Variants in ELMOD1 observed in about 807,000 individuals in gnomAD.
The protein encoded by ELMOD1 is ELMO domain containing 1.
In ELMOD1, 21 loss-of-function variants were observed where a neutral mutation model predicts 46.7. The observed-to-expected ratio is 0.45, with a 90% CI of 0.32 to 0.65. The LOEUF (loss-of-function observed/expected upper bound fraction) is 0.65, where lower values mean the gene tolerates loss of function less well. Ranked by LOEUF, ELMOD1 falls within the 30% of genes least tolerant of loss-of-function variation. The probability of loss-of-function intolerance (pLI) is 0.04; values close to 1 mark genes in which losing one functional copy is unlikely to be tolerated. For missense variants in ELMOD1, 348 were observed against 407.8 expected (o/e 0.85, Z 1.26); for synonymous variants, 122 against 138.2 (o/e 0.88, Z 0.82).
chr11:107,620,078 T>C (rs535061334), intron 2 of ELMOD1: 1 of 152,342 alleles, frequency 6.6e-6, no homozygotes, highest in African/African-American at 2.4e-5. Flanking sequence ...ATCTTTTCAT[T>C]TGAACCAAAG....
intron 1 of ELMOD1, chr11:107,592,386 G>A (rs1226018911): frequency 3.7e-6 from 2 of 534,422 alleles, no homozygotes; most frequent in African/African-American, 1.9e-5. Flanking sequence ...GTCATTTGGA[G>A]AGACCAATTT....
chr11:107,594,275 GA>G lies in ELMOD1; in HGVS notation c.-86+2878del, dbSNP rs201118668. 3.0e-3 allele frequency among the ~76,000 whole-genome samples: 431 copies of G among 144,726 alleles called. 3 individuals are homozygous for G. The highest frequency in any genetic ancestry group is 7.7e-3 in the African/African-American group (306 of 39,616). The allele number at this position is 144,726 out of a possible 152,430, so 94.9% of individuals were successfully genotyped here. ...GAGATCTTATCCTGGGCGAAAATGA[GA>G]AAAAAAAAAAATCTCTGTGTTAATA... is the stretch of plus-strand genomic sequence containing the variant. On this transcript the variant is annotated intron_variant, in intron 1 of 11. Transcript: ENST00000265840.
intron 1 of ELMOD1, among the ~76,000 whole-genome samples, chr11:107,612,394 A>C (rs1231613270): frequency 1.3e-5 from 2 of 152,220 alleles, no homozygotes; most frequent in East Asian, 3.8e-4. Flanking sequence ...TGAAAAACTA[A>C]CTATTGGATA....
intron 2 of ELMOD1, among the ~76,000 whole-genome samples, chr11:107,621,173 G>T (rs1865941574): frequency 6.6e-6 from 1 of 152,206 alleles, no homozygotes; most frequent in Non-Finnish European, 1.5e-5. Flanking sequence ...AGTCACCCAT[G>T]TAAATCATTG....
intron 11 of ELMOD1, 148 bp downstream of exon 11, chr11:107,656,214 C>A: frequency 1.2e-6 from 1 of 822,332 alleles, no homozygotes; most frequent in South Asian, 1.9e-5. Flanking sequence ...ATGGTGAAAC[C>A]CCATCTGTAC....
chr11:107,648,764 A>T (rs1432116511), intron 7 of ELMOD1, among the ~76,000 whole-genome samples: 5 of 147,614 alleles, frequency 3.4e-5, no homozygotes, highest in Admixed American at 6.7e-5. Context: ...GTTAGTGTCA[A>T]TTTTTTTTTT....
intron 5 of ELMOD1, among the ~76,000 whole-genome samples, chr11:107,632,065 T>C (rs563808004): frequency 6.6e-6 from 1 of 152,328 alleles, no homozygotes; most frequent in South Asian, 2.1e-4. Flanking sequence ...ACTTCCTTCA[T>C]GAATATTACT....
At chr11:107,656,099 G>A (rs1246611985) in intron 11 of ELMOD1, 33 bp downstream of exon 11, 1 of 1,548,738 alleles carries the variant, frequency 6.5e-7, no homozygotes, top group African/African-American at 1.4e-5. Flanking sequence ...ATCAATATAG[G>A]TTTCTACGCT....
chr11:107,595,263 A>C (rs1396648767), intron 1 of ELMOD1, among the ~76,000 whole-genome samples: 1 of 152,108 alleles, frequency 6.6e-6, no homozygotes, highest in Non-Finnish European at 1.5e-5. Flanking sequence ...AATTATAAAA[A>C]TTACCCTATA....
intron 4 of ELMOD1, 65 bp downstream of exon 4, chr11:107,630,793 A>G: frequency 6.6e-7 from 1 of 1,518,684 alleles, no homozygotes; most frequent in South Asian, 1.2e-5. Flanking sequence ...CATAAGAAGT[A>G]AAAATTCTAA....
At chr11:107,643,497 A>G (rs1866362251) in intron 6 of ELMOD1, 3 of 350,656 alleles carry the variant, frequency 8.6e-6, no homozygotes, top group Non-Finnish European at 1.8e-5. Context: ...CAGAAGACAC[A>G]GCACCATCAA....
At chr11:107,617,636 C>T (rs142390356) in intron 1 of ELMOD1, among the ~76,000 whole-genome samples, 75 of 152,294 alleles carry the variant, frequency 4.9e-4, no homozygotes, top group South Asian at 2.9e-3. Context: ...TTAAGTGATT[C>T]TTGAGCTTGA....
chr11:107,606,839 G>T (rs1226228634), intron 1 of ELMOD1, among the ~76,000 whole-genome samples: 5 of 151,962 alleles, frequency 3.3e-5, no homozygotes, highest in African/African-American at 1.2e-4. Flanking sequence ...ACCTACATCG[G>T]TTTCAGTTAC....
At chr11:107,656,431 A>T (rs963406536) in intron 11 of ELMOD1, among the ~76,000 whole-genome samples, 8 of 147,918 alleles carry the variant, frequency 5.4e-5, no homozygotes, top group East Asian at 2.0e-4. Flanking sequence ...TATATATATA[A>T]AAATACATGA....
Position 107,630,468 on chromosome 11 carries a change from C to A in ELMOD1, c.69C>A (p.Cys23Ter). ...TTTACTGTAAATTTCTGTGGCGCTG[C>A]CTGAAATTTGTAATGAGGAAGCTAA... is the stretch of plus-strand genomic sequence containing the variant. ...LYFYCKFLWR[C>*]LKFVMRKLTG... is the part of the protein sequence containing the mutation. The change falls in exon 3 of 12, where the codon TGC becomes TGA. Residue 23 changes from cysteine to a stop codon, truncating the protein, a stop_gained. Transcript: ENST00000265840. LOFTEE classifies it high-confidence loss of function. 1 of 1,606,340 alleles carries A rather than the reference C, an allele frequency of 6.2e-7. No individual in the cohort carries two copies.
Position 107,598,869 on chromosome 11 carries a change from G to A in ELMOD1, c.-86+7460G>A, listed in dbSNP as rs536999532. Among the ~76,000 whole-genome samples, 91 of 152,348 alleles carry A rather than the reference G, an allele frequency of 6.0e-4. 1 individual carries two copies. In the South Asian group the frequency reaches 0.018, roughly 30 times the overall value. ...CTGGAGATTTTGTGAGTTGCCTTCA[G>A]AACAAATTCCATTTCTGCTTAAGTT... On this transcript the variant is annotated intron_variant, in intron 1 of 11. Transcript: ENST00000265840.
intron 11 of ELMOD1, among the ~76,000 whole-genome samples, chr11:107,658,097 GA>G (rs1413120893): frequency 6.6e-6 from 1 of 152,058 alleles, no homozygotes; most frequent in East Asian, 1.9e-4. Flanking sequence ...CTCCTATAGA[GA>G]AAAAAATTTT....
At chr11:107,614,984 T>C (rs1473142383) in intron 1 of ELMOD1, among the ~76,000 whole-genome samples, 1 of 152,106 alleles carries the variant, frequency 6.6e-6, no homozygotes, top group African/African-American at 2.4e-5. Flanking sequence ...TGTAATACTG[T>C]ATTTAAGTCC....
chr11:107,650,256 A>T (rs746209608), intron 7 of ELMOD1, 79 bp from the exon 8 acceptor site: 1 of 1,032,680 alleles, frequency 9.7e-7, no homozygotes, highest in Non-Finnish European at 1.5e-6. Context: ...ATTCAAAATG[A>T]CCTCGAATTG....
Sources: gnomAD v4.1 joint callset for allele counts (sites outside exome capture counted in the v4.1 genomes callset) on GRCh38, gnomAD v4.1.1 for gene constraint, MANE v1.5 for transcripts, NCBI Gene and HGNC (gene_info 2026-07-23, HGNC 2026-07-21) for gene names.